The following CDH13 variants were observed in gnomAD, a reference collection of about 807,000 sequenced individuals.
The protein encoded by CDH13 is cadherin 13.
Under a neutral mutation model 63.8 loss-of-function variants are expected in CDH13, and 24 were observed. That is an observed-to-expected ratio of 0.38 (90% CI 0.27 to 0.53). CDH13 has a LOEUF of 0.53. Ranked by LOEUF, CDH13 falls within the 20% of genes least tolerant of loss-of-function variation. The pLI, the probability that CDH13 is intolerant of heterozygous loss-of-function variation, is 0.85. For synonymous variants in CDH13, 503 were observed against 355.3 expected (o/e 1.42, Z -4.67); for missense variants, 1,049 against 903.1 (o/e 1.16, Z -2.07).
At chr16:83,401,050 C>A (rs965413857) in intron 6 of CDH13, among the ~76,000 whole-genome samples, 11 of 151,990 alleles carry the variant, frequency 7.2e-5, no homozygotes, top group Non-Finnish European at 1.0e-4. Flanking sequence ...TTAAAAAATA[C>A]AAAAAATTGG....
At chr16:83,106,349 C>T (rs13334776) in intron 3 of CDH13, among the ~76,000 whole-genome samples, 150 of 152,152 alleles carry the variant, frequency 9.9e-4, no homozygotes, top group African/African-American at 3.2e-3. Flanking sequence ...ACGAGCCTGG[C>T]CAACGTTGTG....
At chr16:82,681,039 G>T (rs1369711057) in intron 1 of CDH13, among the ~76,000 whole-genome samples, 1 of 152,240 alleles carries the variant, frequency 6.6e-6, no homozygotes, top group Non-Finnish European at 1.5e-5. Flanking sequence ...TGAGGATGCA[G>T]ATGAGAGCAG....
At chr16:82,729,874 C>G (rs952756285) in intron 1 of CDH13, among the ~76,000 whole-genome samples, 4 of 152,200 alleles carry the variant, frequency 2.6e-5, no homozygotes, top group Admixed American at 1.3e-4. Context: ...CTTGTTGCAA[C>G]TCTCTACATC....
chr16:83,633,226 T>C (rs1487321706), intron 8 of CDH13, among the ~76,000 whole-genome samples: 2 of 151,840 alleles, frequency 1.3e-5, no homozygotes, highest in Admixed American at 1.3e-4. Flanking sequence ...GGTCTCAGCC[T>C]TATTTTACCC....
chr16:83,718,839 G>A (rs138599560), intron 10 of CDH13, among the ~76,000 whole-genome samples: 1 of 152,246 alleles, frequency 6.6e-6, no homozygotes, highest in East Asian at 1.9e-4. Context: ...TGACCACCCT[G>A]TATTCTTCTT....
Position 82,867,091 on chromosome 16 carries a change from G to A in CDH13, c.157+8618G>A, listed in dbSNP as rs377332744. On this transcript the variant is annotated intron_variant, in intron 2 of 13. Transcript: ENST00000567109. Reference sequence around the variant, plus strand: ...TCCCTAGTGTGTTGAGGGCCACCTCGAACCTCACAACAGCTCTTAGGGGAA... The same window carrying A: ...TCCCTAGTGTGTTGAGGGCCACCTCAAACCTCACAACAGCTCTTAGGGGAA... 8.2e-4 allele frequency among the ~76,000 whole-genome samples: 125 copies of A among 152,272 alleles called. 1 individual carries two copies. The South Asian group carries it at 0.012, about 15-fold the overall frequency.
chr16:82,820,073 T>C (rs1230006975), intron 1 of CDH13, among the ~76,000 whole-genome samples: 1 of 152,112 alleles, frequency 6.6e-6, no homozygotes, highest in Non-Finnish European at 1.5e-5. Flanking sequence ...ATGTCATTAA[T>C]GTGAACACTC....
chr16:83,303,035 G>C (rs1223172675), intron 5 of CDH13, among the ~76,000 whole-genome samples: 1 of 152,190 alleles, frequency 6.6e-6, no homozygotes, highest in Non-Finnish European at 1.5e-5. Flanking sequence ...CTCTGTTTCA[G>C]TATCATGATG....
rs896381400 is a variant in CDH13, at chr16:83,643,447, C to G, written c.1102-27343C>G. ...TTGCCATCTGTCTCACGATTTGTAT[C>G]TTTTTCCTTGTCTGTAAAAAGGGAG... On this transcript the variant is annotated intron_variant, in intron 8 of 13. Transcript: ENST00000567109. Among the ~76,000 whole-genome samples, 4 of 152,268 alleles carry G rather than the reference C, an allele frequency of 2.6e-5. No homozygotes were observed. In the East Asian group the frequency reaches 7.7e-4, roughly 29 times the overall value.
At chr16:83,592,874 C>T (rs564200802) in intron 7 of CDH13, among the ~76,000 whole-genome samples, 77 of 152,294 alleles carry the variant, frequency 5.1e-4, no homozygotes, top group African/African-American at 1.7e-3. Flanking sequence ...TAAAGACAAA[C>T]ACAAGTCAAA....
intron 8 of CDH13, among the ~76,000 whole-genome samples, chr16:83,653,066 G>A (rs1017116003): frequency 2.0e-5 from 3 of 152,234 alleles, no homozygotes; most frequent in East Asian, 1.9e-4. Flanking sequence ...CATATATTGC[G>A]CAATTCCATT....
intron 5 of CDH13, among the ~76,000 whole-genome samples, chr16:83,286,533 A>G (rs2151861243): frequency 6.6e-6 from 1 of 152,192 alleles, no homozygotes; most frequent in East Asian, 1.9e-4. Flanking sequence ...AGGCAGACGG[A>G]TTGCCTGAGC....
At chr16:82,791,203 C>T (rs577452869) in intron 1 of CDH13, among the ~76,000 whole-genome samples, 14 of 147,962 alleles carry the variant, frequency 9.5e-5, no homozygotes, top group Admixed American at 4.1e-4. Flanking sequence ...CGCCACTGCA[C>T]TCCAGCCTGG....
chr16:83,014,720 G>T (rs1433996905), intron 2 of CDH13, among the ~76,000 whole-genome samples: 16 of 112,838 alleles, frequency 1.4e-4, no homozygotes, highest in Non-Finnish European at 2.4e-4. Flanking sequence ...AACAGAGGGA[G>T]ACTCCATCTA....
chr16:83,172,413 C>T (rs1022011233), intron 4 of CDH13, among the ~76,000 whole-genome samples: 1 of 152,090 alleles, frequency 6.6e-6, no homozygotes, highest in South Asian at 2.1e-4. Flanking sequence ...ATTGCTTGAA[C>T]CCCAGAGGCG....
intron 6 of CDH13, among the ~76,000 whole-genome samples, chr16:83,469,858 G>T (rs1321484405): frequency 1.3e-5 from 2 of 152,228 alleles, no homozygotes; most frequent in Non-Finnish European, 2.9e-5. Flanking sequence ...GAGATTCTTG[G>T]ATAGTGCAAA....
intron 4 of CDH13, among the ~76,000 whole-genome samples, chr16:83,198,780 G>C (rs544092295): frequency 6.6e-6 from 1 of 152,210 alleles, no homozygotes; most frequent in African/African-American, 2.4e-5. Context: ...CTTAGGAGAG[G>C]TACCCAACCA....
At chr16:82,798,750 G>A (rs928321666) in intron 1 of CDH13, among the ~76,000 whole-genome samples, 18 of 152,136 alleles carry the variant, frequency 1.2e-4, no homozygotes, top group Admixed American at 1.2e-3. Context: ...CATGCCCCAG[G>A]TAGAGCTGGG....
At chr16:83,029,157 C>G (rs74460868) in intron 2 of CDH13, among the ~76,000 whole-genome samples, 4,670 of 152,292 alleles carry the variant, frequency 0.031, 96 homozygotes, top group Non-Finnish European at 0.044. Context: ...GCATTATCCA[C>G]TATTATTATC....
Sources: gnomAD v4.1 joint callset for allele counts (sites outside exome capture counted in the v4.1 genomes callset) on GRCh38, gnomAD v4.1.1 for gene constraint, MANE v1.5 for transcripts, NCBI Gene and HGNC (gene_info 2026-07-23, HGNC 2026-07-21) for gene names.